KDM2B: variants seen among roughly 807,000 people sequenced by gnomAD.
KDM2B encodes the protein lysine demethylase 2B.
A neutral mutation model predicts 150.0 loss-of-function variants in KDM2B; 26 were observed. The observed-to-expected ratio is 0.17, with a 90% CI of 0.13 to 0.24. The LOEUF is 0.24. Among genes scored for constraint, KDM2B ranks in the 10% least tolerant of loss-of-function variants. KDM2B has a pLI of 1.00. For missense variants in KDM2B, 1,265 were observed against 1,816.9 expected, an observed-to-expected ratio of 0.70 and a Z score of 5.52; for synonymous variants, 734 against 729.5, an observed-to-expected ratio of 1.01 and a Z score of -0.10.
intron 4 of KDM2B, among the ~76,000 whole-genome samples, chr12:121,569,226 C>A (rs1241904503): frequency 1.3e-5 from 2 of 152,228 alleles, no homozygotes; most frequent in Non-Finnish European, 2.9e-5. Flanking sequence ...CGTGGTTCTG[C>A]TGGGCTGACC....
At chr12:121,436,317 C>A (rs1245797552) in intron 22 of KDM2B, among the ~76,000 whole-genome samples, 1 of 152,044 alleles carries the variant, frequency 6.6e-6, no homozygotes, top group Non-Finnish European at 1.5e-5. Context: ...GTCAGGAGAT[C>A]GAAACCATCC....
At position 121,453,045 on chromosome 12, in the gene KDM2B, G is replaced by T; in HGVS notation, c.1959+75C>A. The T allele has an allele frequency of 7.7e-7, 1 of 1,295,944 alleles. No individual in the cohort carries two copies. Among genetic ancestry groups the T allele is most frequent in the Non-Finnish European group, 1.0e-6 (1 of 954,754 alleles). The allele number at this position is 1,295,944 out of a possible 1,614,324, so 80.3% of individuals were successfully genotyped here. On this transcript the variant is annotated intron_variant, in intron 13 of 22. Transcript: ENST00000377071. This position sits in a 1 kb window ranked among gnomAD's most constrained non-coding sequence, Gnocchi z 6.4. ...CTGTGTGCGGAGGGGCGGCCAGAGC[G>T]AGCAGCGGTCAGACACGCGGGCCGG...
intron 1 of KDM2B, chr12:121,580,427 G>T: frequency 8.6e-7 from 1 of 1,161,046 alleles, no homozygotes. Flanking sequence ...ACCGGGCGCC[G>T]TTAGCGCCGT....
chr12:121,578,481 G>A (rs1282223688), intron 2 of KDM2B, among the ~76,000 whole-genome samples: 6 of 152,208 alleles, frequency 3.9e-5, no homozygotes, highest in Admixed American at 2.6e-4. Context: ...GCTCGGGGAG[G>A]GGGAGGACGC....
At chr12:121,534,431 T>C (rs1210838538) in intron 7 of KDM2B, 66 bp downstream of exon 7, 11 of 1,144,696 alleles carry the variant, frequency 9.6e-6, no homozygotes, top group Non-Finnish European at 1.3e-5. Context: ...GAGGGAAAGG[T>C]AAGTGAGCCC....
chr12:121,465,969 A>G (rs1034553443), intron 12 of KDM2B, among the ~76,000 whole-genome samples: 4 of 152,226 alleles, frequency 2.6e-5, no homozygotes, highest in Non-Finnish European at 4.4e-5. Context: ...CCAATCCGAA[A>G]GAGCCGTGAG....
rs570750522 is a variant in KDM2B at position 121,575,971 on chromosome 12, G to A, written c.272-112C>T. On this transcript the variant is annotated intron_variant, in intron 2 of 22. Transcript: ENST00000377071. This position sits in a 1 kb window ranked among gnomAD's most constrained non-coding sequence, Gnocchi z 4.4. ...ATGGACGAAGGGGCAGGGGGTCCAG[G>A]AGATGCAGGCACCAGCTGTACAGCA... 1 of 763,088 alleles carries A rather than the reference G, an allele frequency of 1.3e-6. No homozygotes were observed. Among genetic ancestry groups the A allele is most frequent in the Non-Finnish European group, 2.3e-6 (1 of 427,404 alleles). 47.3% of individuals were successfully genotyped at this position (763,088 alleles called of 1,614,324 possible).
At chr12:121,458,530 G>A (rs1555293280) in intron 12 of KDM2B, among the ~76,000 whole-genome samples, 2 of 150,654 alleles carry the variant, frequency 1.3e-5, no homozygotes, top group African/African-American at 4.9e-5. Flanking sequence ...GGGTGGGGGC[G>A]GTGACTCACG....
chr12:121,485,615 G>C (rs1882667892), intron 12 of KDM2B, among the ~76,000 whole-genome samples: 1 of 151,998 alleles, frequency 6.6e-6, no homozygotes. Context: ...TCGGGGGGCA[G>C]TGGGAGGGGA....
At chr12:121,416,092 C>A in the KDM2B span, 1 of 1,308,660 alleles carries the variant, frequency 7.6e-7, no homozygotes, top group Non-Finnish European at 1.1e-6. Flanking sequence ...GAATAGCATT[C>A]CCTGAGGATC....
the KDM2B span, chr12:121,417,619 A>G: frequency 6.2e-7 from 1 of 1,614,222 alleles, no homozygotes; most frequent in Non-Finnish European, 8.5e-7. The surrounding 1 kb of genome is among the most constrained non-coding windows in gnomAD (Gnocchi z 5.0). Context: ...CAGCGCCCTC[A>G]GTTAATGCGA....
In KDM2B at chr12:121,430,704, C is replaced by G; in HGVS notation, c.3830-235G>C. On this transcript the variant is annotated intron_variant, in intron 22 of 22. Coordinates refer to ENST00000377071, the MANE Select transcript of KDM2B (RefSeq NM_032590.5). The surrounding 1 kb of genome is among the most constrained non-coding windows in gnomAD (Gnocchi z 4.4). ...TGCCTCAAAAGCATTCAGATAACCA[C>G]GTGAAAATCACTTCTGATTTACCAC... 1 of 569,972 alleles carries G rather than the reference C, an allele frequency of 1.8e-6. No homozygotes were observed. 35.3% of individuals were successfully genotyped at this position (569,972 alleles called of 1,614,324 possible).
At chr12:121,564,977 C>A (rs1247558890) in intron 4 of KDM2B, among the ~76,000 whole-genome samples, 5 of 151,874 alleles carry the variant, frequency 3.3e-5, no homozygotes, top group African/African-American at 1.2e-4. Context: ...GGATTGCAGG[C>A]GTGCACCACC....
Position 121,513,058 on chromosome 12 carries a change from C to T in KDM2B, c.1174+218G>A, listed in dbSNP as rs1027643941. On this transcript the variant is annotated intron_variant, in intron 10 of 22. Coordinates refer to ENST00000377071, the MANE Select transcript of KDM2B (RefSeq NM_032590.5). This position sits in a 1 kb window ranked among gnomAD's most constrained non-coding sequence, Gnocchi z 5.0. ...ACAGCCATGGGCTGGAGGCCACACA[C>T]GTGACTCTTTTGGGGATCCGAATTC... Among the ~76,000 whole-genome samples, 26 of 152,264 alleles carry T rather than the reference C, an allele frequency of 1.7e-4. No homozygotes were observed. Among genetic ancestry groups the T allele is most frequent in the Non-Finnish European group, 3.4e-4 (23 of 68,042 alleles).
At chr12:121,428,481 TAATTA>T (rs10599594), downstream of KDM2B, among the ~76,000 whole-genome samples, 15,938 of 152,196 alleles carry the variant, frequency 0.1, 923 homozygotes, top group South Asian at 0.23. Context: ...TGTCTCATTT[TAATTA>T]AAACTGTTTT....
chr12:121,518,749 G>A lies in KDM2B; in HGVS notation c.1047+2236C>T, dbSNP rs1395007617. ...CCTTTAGAAATCCCAGCCTGACTCC[G>A]GCTTTCAGGAATTGCCTGGAAAGTC... On this transcript the variant is annotated intron_variant, in intron 9 of 22. Transcript: ENST00000377071. This position sits in a 1 kb window ranked among gnomAD's most constrained non-coding sequence, Gnocchi z 4.4. 2.0e-5 allele frequency among the ~76,000 whole-genome samples: 3 copies of A among 152,156 alleles called. No individual in the cohort carries two copies. The highest frequency in any genetic ancestry group is 2.9e-5 in the Non-Finnish European group (2 of 68,022).
chr12:121,546,235 T>C (rs1289499486), intron 6 of KDM2B, among the ~76,000 whole-genome samples: 1 of 152,274 alleles, frequency 6.6e-6, no homozygotes, highest in Admixed American at 6.5e-5. Context: ...AATGAATGAA[T>C]GAATCAATCA....
At position 121,533,826 on chromosome 12, in the gene KDM2B, G is replaced by A. The variant is rs920949557; in HGVS notation, c.777+671C>T. Among the ~76,000 whole-genome samples the A allele has an allele frequency of 4.6e-5, 7 of 152,178 alleles. No homozygotes were observed. Among genetic ancestry groups the A allele is most frequent in the East Asian group, 1.9e-4 (1 of 5,196 alleles). On this transcript the variant is annotated intron_variant, in intron 7 of 22. Transcript: ENST00000377071. This position sits in a 1 kb window ranked among gnomAD's most constrained non-coding sequence, Gnocchi z 4.1. ...AGGAGGTGGTTCTAGGGAAAGAAGC[G>A]ACCCTGGGCCAGGAGCCATGGCCCA...
At position 121,548,910 on chromosome 12, in the gene KDM2B, G is replaced by A; in HGVS notation, c.650C>T (p.Ala217Val). 6.2e-7 allele frequency: 1 copy of A among 1,614,172 alleles called. No homozygotes were observed. The highest frequency in any genetic ancestry group is 8.5e-7 in the Non-Finnish European group (1 of 1,179,990). Residue 217 changes from alanine to valine, a missense_variant, in exon 6 of 23, where the codon GCC becomes GTC. Ala to Val is a moderately conservative substitution (Grantham distance 64, BLOSUM62 0). Coordinates refer to ENST00000377071, the MANE Select transcript of KDM2B (RefSeq NM_032590.5). The stretch of plus-strand genomic sequence containing the variant: ...TTTCGGGTACTTCATCTCTGCAATG[G>A]CGTTCGTGGCTTCTGTCTGCTTCTC... Reference protein sequence around the residue: ...LKEKQTEATNAIAEMKYPKVK... With the variant: ...LKEKQTEATNVIAEMKYPKVK...
Sources: gnomAD v4.1 joint callset for allele counts (sites outside exome capture counted in the v4.1 genomes callset) on GRCh38, gnomAD v4.1.1 for gene constraint, Gnocchi (gnomAD v3.1) non-coding constraint, MANE v1.5 for transcripts, NCBI Gene and HGNC (gene_info 2026-07-23, HGNC 2026-07-21) for gene names.